IL36G: variants seen among roughly 807,000 people sequenced by gnomAD.
The protein encoded by IL36G is interleukin 36 gamma.
Under a neutral mutation model 13.5 loss-of-function variants are expected in IL36G, and 10 were observed. That is an observed-to-expected ratio of 0.74 (90% CI 0.46 to 1.26). The LOEUF is 1.26. Ranked by LOEUF, IL36G falls within the 50% of genes most tolerant of loss-of-function variation. The pLI is 0.00. For synonymous variants in IL36G, 84 were observed against 74.0 expected, an observed-to-expected ratio of 1.13 and a Z score of -0.69; for missense variants, 199 against 203.0, an observed-to-expected ratio of 0.98 and a Z score of 0.12.
rs1212806378 is a variant in IL36G, at chr2:112,981,264, C to T, written c.300+1116C>T. The T allele has an allele frequency of 3.6e-6, 5 of 1,389,592 alleles. No homozygotes were observed. The African/African-American group carries it at 5.7e-5, about 16-fold the overall frequency. 86.1% of individuals were successfully genotyped at this position (1,389,592 alleles called of 1,614,324 possible). ...CCCTCCTTGCCAGCATCAGCTTTTC[C>T]CTTTTTCCCTTTGGGTACCTTCTCT... On this transcript the variant is annotated intron_variant, in intron 4 of 4. Transcript: ENST00000259205.
Position 112,980,109 on chromosome 2 carries a change from TTG to T in IL36G, c.264_265del (p.Cys88Ter), listed in dbSNP as rs1339473636. On this transcript the variant is annotated frameshift_variant, in exon 4 of 5. Transcript: ENST00000259205. LOFTEE classifies it low-confidence loss of function (END_TRUNC). ...TCCAGAATCCAGAAATGTGTTTGTA[TTG>T]TGAGAAGGTTGGAGAACAGCCCACA... ...GIQNPEMCLY[C>X]EKVGEQPTLQ... 10 of 1,614,034 alleles carry T rather than the reference TTG, an allele frequency of 6.2e-6. No individual in the cohort carries two copies. The Admixed American group carries it at 1.2e-4, about 19-fold the overall frequency.
At chr2:112,983,447 G>A (rs1487691187) in intron 4 of IL36G, among the ~76,000 whole-genome samples, 1 of 152,170 alleles carries the variant, frequency 6.6e-6, no homozygotes, top group Non-Finnish European at 1.5e-5. Flanking sequence ...GCAATGAGTA[G>A]GAGGGAGGAT....
chr2:112,980,338 T>C (rs1684241050), intron 4 of IL36G, among the ~76,000 whole-genome samples, 190 bp downstream of exon 4: 1 of 152,138 alleles, frequency 6.6e-6, no homozygotes, highest in African/African-American at 2.4e-5. Context: ...GTCCTTGTTT[T>C]GCTTTTTTTT....
rs1489335801 is a variant in IL36G at position 112,984,902 on chromosome 2, T to C, written c.363T>C (p.Arg121=). ...CCGTGAAACCCTTCCTTTTCTACCG[T>C]GCCAAGACTGGTAGGACCTCCACCC... The part of the protein sequence containing the change: ...PEPVKPFLFY[R]AKTGRTSTLE... Residue 121 remains arginine, a synonymous_variant, in exon 5 of 5, where the codon CGT becomes CGC. Coordinates refer to ENST00000259205, the MANE Select transcript of IL36G (RefSeq NM_019618.4). 6.2e-7 allele frequency: 1 copy of C among 1,614,154 alleles called. No homozygotes were observed. Among genetic ancestry groups the C allele is most frequent in the South Asian group, 1.1e-5 (1 of 91,072 alleles).
chr2:112,978,742 C>A (rs746220303), intron 2 of IL36G, 49 bp downstream of exon 2: 33 of 1,552,494 alleles, frequency 2.1e-5, no homozygotes, highest in Middle Eastern at 3.9e-4. Context: ...AGGCCCTCTG[C>A]ACTCACGCTA....
chr2:112,985,166 G>C lies in IL36G; in HGVS notation c.*117G>C. 1 of 661,680 alleles carries C rather than the reference G, an allele frequency of 1.5e-6. No individual in the cohort carries two copies. The highest frequency in any genetic ancestry group is 2.6e-6 in the Non-Finnish European group (1 of 386,688). The allele number at this position is 661,680 out of a possible 1,614,324, so 41.0% of individuals were successfully genotyped here. On this transcript the variant is annotated 3_prime_UTR_variant, in exon 5 of 5. Coordinates refer to ENST00000259205, the MANE Select transcript of IL36G (RefSeq NM_019618.4). ...CTGGTGCTGAGACAGGGGCAAGGCT[G>C]CTGTTATCATCTCATTTTATAATGA...
chr2:112,985,048 G>A lies in IL36G; in HGVS notation c.509G>A (p.Ter170=), dbSNP rs1446185497. ...NTAFELNIND[*] Reference sequence around the variant, plus strand: ...GCCTTTGAATTAAATATAAATGACTGAACTCAGCCTAGAGGTGGCAGCTTG... The same window carrying A: ...GCCTTTGAATTAAATATAAATGACTAAACTCAGCCTAGAGGTGGCAGCTTG... Residue 170 remains the stop codon, a stop_retained_variant, in exon 5 of 5, where the codon TGA becomes TAA. Coordinates refer to ENST00000259205, the MANE Select transcript of IL36G (RefSeq NM_019618.4). 4 of 1,609,908 alleles carry A rather than the reference G, an allele frequency of 2.5e-6. No individual in the cohort carries two copies. The highest frequency in any genetic ancestry group is 1.7e-4 in the Middle Eastern group (1 of 5,888).
intron 4 of IL36G, among the ~76,000 whole-genome samples, chr2:112,983,642 G>T (rs560527273): frequency 6.6e-6 from 1 of 152,274 alleles, no homozygotes. Context: ...AGACAGGTTG[G>T]TGGGGGCAGA....
intron 4 of IL36G, among the ~76,000 whole-genome samples, chr2:112,982,813 A>G (rs1282094145): frequency 1.3e-5 from 2 of 152,084 alleles, no homozygotes; most frequent in African/African-American, 4.8e-5. Flanking sequence ...TTGGTGCTGT[A>G]GTGGGGGCAA....
At chr2:112,978,472 C>T in intron 1 of IL36G, 148 bp from the exon 2 acceptor site, 2 of 652,144 alleles carry the variant, frequency 3.1e-6, no homozygotes, top group Non-Finnish European at 5.5e-6. Context: ...AGTTTCGTCC[C>T]AGATGTGGCT....
Position 112,979,303 on chromosome 2 carries a change from A to G in IL36G, c.138A>G (p.Pro46=), listed in dbSNP as rs767298980. The G allele has an allele frequency of 6.2e-7, 1 of 1,611,436 alleles. No individual in the cohort carries two copies. Among genetic ancestry groups the G allele is most frequent in the Non-Finnish European group, 8.5e-7 (1 of 1,177,478 alleles). Residue 46 remains proline, a synonymous_variant, in exon 3 of 5, where the codon CCA becomes CCG. Transcript: ENST00000259205. ...TLQGQNLVAV[P]RSDSVTPVTV... Reference sequence around the variant, plus strand: ...AGGGTCAGAACCTTGTGGCAGTTCCACGAAGTGACAGTGTGACCCCAGGTG... The same window carrying G: ...AGGGTCAGAACCTTGTGGCAGTTCCGCGAAGTGACAGTGTGACCCCAGGTG...
At chr2:112,981,490 G>T in intron 4 of IL36G, 1 of 580,734 alleles carries the variant, frequency 1.7e-6, no homozygotes, top group South Asian at 2.0e-5. Context: ...AGCATTGTGC[G>T]GGTTTTGGTC....
intron 4 of IL36G, among the ~76,000 whole-genome samples, chr2:112,983,623 C>T (rs925674396): frequency 1.3e-5 from 2 of 151,914 alleles, no homozygotes; most frequent in African/African-American, 4.8e-5. Flanking sequence ...TCTTGGAAGG[C>T]AAAGAAGAAG....
intron 4 of IL36G, among the ~76,000 whole-genome samples, chr2:112,982,967 T>C (rs1684291506): frequency 6.6e-6 from 1 of 152,102 alleles, no homozygotes; most frequent in African/African-American, 2.4e-5. Context: ...TTGTTTAAGA[T>C]GGTAGAAATG....
chr2:112,981,619 T>G (rs1485380640), intron 4 of IL36G, among the ~76,000 whole-genome samples: 1 of 152,260 alleles, frequency 6.6e-6, no homozygotes, highest in Non-Finnish European at 1.5e-5. Flanking sequence ...TTGGAATTCC[T>G]ATTCATCCAT....
intron 4 of IL36G, among the ~76,000 whole-genome samples, chr2:112,984,546 C>T (rs780057678): frequency 5.3e-5 from 8 of 152,128 alleles, no homozygotes; most frequent in Admixed American, 3.3e-4. Context: ...GTCACCTCAG[C>T]CTCTTGTGTG....
intron 2 of IL36G, 90 bp downstream of exon 2, chr2:112,978,783 C>T: frequency 7.9e-7 from 1 of 1,265,568 alleles, no homozygotes; most frequent in South Asian, 1.2e-5. Context: ...CTTCTCTGCT[C>T]CTCTCTGTAC....
Position 112,985,341 on chromosome 2 carries a change from C to G in IL36G, c.*292C>G, listed in dbSNP as rs1684332012. 1 of 356,230 alleles carries G rather than the reference C, an allele frequency of 2.8e-6. No individual in the cohort carries two copies. The highest frequency in any genetic ancestry group is 5.2e-6 in the Non-Finnish European group (1 of 192,836). The allele number at this position is 356,230 out of a possible 1,614,324, so 22.1% of individuals were successfully genotyped here. On this transcript the variant is annotated 3_prime_UTR_variant, in exon 5 of 5. Transcript: ENST00000259205. Reference sequence around the variant, plus strand: ...GACTTTAAGACTCAAAGACCAAACACTGAGCTTTCTTCTAGGGGTGGGTAT... The same window carrying G: ...GACTTTAAGACTCAAAGACCAAACAGTGAGCTTTCTTCTAGGGGTGGGTAT...
Position 112,979,245 on chromosome 2 carries a change from T to C in IL36G, c.80T>C (p.Ile27Thr), listed in dbSNP as rs756029771. The part of the protein sequence containing the change: ...QSMCKPITGT[I>T]NDLNQQVWTL... ...GTGTGTAAACCTATTACTGGGACTA[T>C]TAATGATTTGAATCAGCAAGTGTGG... The change falls in exon 3 of 5, where the codon ATT becomes ACT. Residue 27 changes from isoleucine (I) to threonine (T), a missense_variant. Ile to Thr is a moderately conservative substitution (Grantham distance 89). Transcript: ENST00000259205. The C allele has an allele frequency of 6.2e-7, 1 of 1,610,644 alleles. No individual in the cohort carries two copies. The highest frequency in any genetic ancestry group is 2.2e-5 in the East Asian group (1 of 44,866).
Sources: allele counts gnomAD v4.1 joint callset (sites outside exome capture counted in the v4.1 genomes callset), GRCh38; gene constraint gnomAD v4.1.1; transcripts MANE v1.5; gene names NCBI Gene and HGNC (gene_info 2026-07-23, HGNC 2026-07-21).